PEPD: variants seen among roughly 807,000 people sequenced by gnomAD.
PEPD encodes the protein peptidase D.
In PEPD, 53 loss-of-function variants were observed where a neutral mutation model predicts 60.7. The ratio of observed to expected loss-of-function variants is 0.87; its 90% confidence interval spans 0.70 to 1.10. The LOEUF (loss-of-function observed/expected upper bound fraction) is 1.10. Ranked by LOEUF, PEPD falls within the 50% of genes least tolerant of loss-of-function variation. The pLI is 0.00. For synonymous variants in PEPD, 267 were observed against 284.1 expected (o/e 0.94, Z 0.60); for missense variants, 711 against 711.9 (o/e 1.00, Z 0.01).
chr19:33,446,704 C>T (rs114901239), intron 9 of PEPD, among the ~76,000 whole-genome samples: 1,853 of 152,332 alleles, frequency 0.012, 42 homozygotes, highest in African/African-American at 0.042. Context: ...CTCTCAGCCA[C>T]GGCTGCTCAC....
chr19:33,417,694 CT>C (rs1968918697), intron 9 of PEPD, among the ~76,000 whole-genome samples: 1 of 152,178 alleles, frequency 6.6e-6, no homozygotes, highest in African/African-American at 2.4e-5. Flanking sequence ...ATCGTGGTCA[CT>C]GTTCAGAGGC....
intron 11 of PEPD, among the ~76,000 whole-genome samples, chr19:33,410,746 G>T (rs1371522937): frequency 1.3e-5 from 2 of 152,194 alleles, no homozygotes; most frequent in African/African-American, 4.8e-5. Flanking sequence ...AAAGAACTGG[G>T]AGGGACAAGG....
chr19:33,413,640 G>C lies in PEPD; in HGVS notation c.675C>G (p.Leu225=), dbSNP rs756699991. The change falls in exon 10 of 15, where the codon CTC becomes CTG. Residue 225 remains leucine (L), a synonymous_variant. Coordinates refer to ENST00000244137, the MANE Select transcript of PEPD (RefSeq NM_000285.4). ...VGMKEYELES[L]FEHYCYSRGG... ...CCCGGGAGTAGCAGTAGTGCTCGAAGAGGCTGCAGGGGGAGAGACGCGTCA... is the reference window on the plus strand; with the variant it reads ...CCCGGGAGTAGCAGTAGTGCTCGAACAGGCTGCAGGGGGAGAGACGCGTCA... 1 of 1,581,018 alleles carries C rather than the reference G, an allele frequency of 6.3e-7. No individual in the cohort carries two copies. Among genetic ancestry groups the C allele is most frequent in the Non-Finnish European group, 8.6e-7 (1 of 1,161,148 alleles).
At chr19:33,495,449 G>A (rs1324149072) in intron 4 of PEPD, among the ~76,000 whole-genome samples, 1 of 149,470 alleles carries the variant, frequency 6.7e-6, no homozygotes, top group African/African-American at 2.5e-5. Flanking sequence ...AGTGAGCCGA[G>A]ATCATGCCAT....
chr19:33,429,806 C>T (rs1002244935), intron 9 of PEPD, among the ~76,000 whole-genome samples: 3 of 152,152 alleles, frequency 2.0e-5, no homozygotes, highest in Non-Finnish European at 2.9e-5. Flanking sequence ...ACAAATGTCC[C>T]GATTGCAAAT....
chr19:33,462,642 T>C (rs1434810489), intron 9 of PEPD, among the ~76,000 whole-genome samples: 1 of 152,218 alleles, frequency 6.6e-6, no homozygotes, highest in African/African-American at 2.4e-5. Context: ...ATAATGGCAG[T>C]GTTTACACAT....
chr19:33,497,318 G>A (rs1260184935), intron 4 of PEPD, among the ~76,000 whole-genome samples: 1 of 152,222 alleles, frequency 6.6e-6, no homozygotes, highest in Non-Finnish European at 1.5e-5. Context: ...TATGCCTGGC[G>A]CCATAAAGGG....
intron 11 of PEPD, among the ~76,000 whole-genome samples, chr19:33,406,146 C>G (rs960688389): frequency 1.3e-5 from 2 of 152,184 alleles, no homozygotes; most frequent in Admixed American, 1.3e-4. Context: ...GTGGCCTTGG[C>G]AGGCGGGAGG....
intron 9 of PEPD, among the ~76,000 whole-genome samples, chr19:33,451,750 AC>A (rs1385299535): frequency 6.6e-6 from 1 of 152,246 alleles, no homozygotes; most frequent in Non-Finnish European, 1.5e-5. Flanking sequence ...ACATAGCAAC[AC>A]CAGTGTCAGG....
At chr19:33,444,006 G>A (rs1969541494) in intron 9 of PEPD, among the ~76,000 whole-genome samples, 1 of 152,240 alleles carries the variant, frequency 6.6e-6, no homozygotes, top group Admixed American at 6.5e-5. Flanking sequence ...TGTGTCCTCA[G>A]GCAGGGAGGG....
At chr19:33,448,039 G>A (rs1039161021) in intron 9 of PEPD, among the ~76,000 whole-genome samples, 8 of 152,140 alleles carry the variant, frequency 5.3e-5, no homozygotes, top group South Asian at 2.1e-4. Context: ...CATGCCTGCC[G>A]GCAGGTATGG....
Position 33,440,623 on chromosome 19 carries a change from G to A in PEPD, c.671+22372C>T, listed in dbSNP as rs112674325. Among the ~76,000 whole-genome samples, 998 of 152,226 alleles carry A rather than the reference G, an allele frequency of 6.6e-3. 25 individuals carry two copies. Among genetic ancestry groups the A allele is most frequent in the Non-Finnish European group, 8.7e-3 (592 of 68,016 alleles). ...CACTTTGGGTCTCACTTGACTGTCCGCTCTGTGCAAGGCTTTCAACATCAT... is the reference window on the plus strand; with the variant it reads ...CACTTTGGGTCTCACTTGACTGTCCACTCTGTGCAAGGCTTTCAACATCAT... On this transcript the variant is annotated intron_variant, in intron 9 of 14. Coordinates refer to ENST00000244137, the MANE Select transcript of PEPD (RefSeq NM_000285.4).
Position 33,387,222 on chromosome 19 carries a change from C to G in PEPD, c.*122G>C. 8.3e-7 allele frequency: 1 copy of G among 1,210,252 alleles called. No homozygotes were observed. Among genetic ancestry groups the G allele is most frequent in the Non-Finnish European group, 1.2e-6 (1 of 837,398 alleles). The allele number at this position is 1,210,252 out of a possible 1,614,324, so 75.0% of individuals were successfully genotyped here. On this transcript the variant is annotated 3_prime_UTR_variant, in exon 15 of 15. Transcript: ENST00000244137. ...AGCACTGTTTGGTCTGATCAAATGC[C>G]GAAGCTGGGATCTGATTCTGGGTGC...
rs1416908511 is a variant in PEPD at position 33,438,451 on chromosome 19, C to T, written c.671+24544G>A. ...AGGCAGGTCCAAGGGTCTCTCTCCCCTGCCCTTTGCCTTATGAGGTCTGAT... is the reference window on the plus strand; with the variant it reads ...AGGCAGGTCCAAGGGTCTCTCTCCCTTGCCCTTTGCCTTATGAGGTCTGAT... On this transcript the variant is annotated intron_variant, in intron 9 of 14. Transcript: ENST00000244137. Among the ~76,000 whole-genome samples, 185 of 152,254 alleles carry T rather than the reference C, an allele frequency of 1.2e-3. 1 individual carries two copies. Among genetic ancestry groups the T allele is most frequent in the Non-Finnish European group, 1.0e-4 (7 of 68,046 alleles).
chr19:33,499,046 C>T (rs1041909077), intron 4 of PEPD, among the ~76,000 whole-genome samples: 3 of 152,064 alleles, frequency 2.0e-5, no homozygotes, highest in African/African-American at 4.8e-5. Flanking sequence ...GGAAGGAAAA[C>T]GAGAATGAAG....
intron 3 of PEPD, among the ~76,000 whole-genome samples, chr19:33,503,250 G>A (rs983857424): frequency 2.0e-5 from 3 of 152,212 alleles, no homozygotes; most frequent in South Asian, 2.1e-4. Flanking sequence ...CTGAGGGCCC[G>A]GGAGACGCTG....
chr19:33,466,598 C>T (rs1425349741), intron 7 of PEPD, among the ~76,000 whole-genome samples: 2 of 152,066 alleles, frequency 1.3e-5, no homozygotes, highest in Non-Finnish European at 2.9e-5. Flanking sequence ...CTGGTCCAGC[C>T]TTTCAGTATC....
intron 6 of PEPD, among the ~76,000 whole-genome samples, chr19:33,480,788 C>T (rs545378557): frequency 9.8e-4 from 147 of 149,382 alleles, no homozygotes; most frequent in Non-Finnish European, 1.7e-3. Context: ...AGCAAGACTC[C>T]GTTTCAAAAA....
At chr19:33,433,752 T>A (rs1969319606) in intron 9 of PEPD, among the ~76,000 whole-genome samples, 1 of 152,234 alleles carries the variant, frequency 6.6e-6, no homozygotes. Flanking sequence ...ATTCTGCAAG[T>A]GCACAAATGG....
Sources: allele counts gnomAD v4.1 joint callset (sites outside exome capture counted in the v4.1 genomes callset), GRCh38; gene constraint gnomAD v4.1.1; transcripts MANE v1.5; gene names NCBI Gene and HGNC (gene_info 2026-07-23, HGNC 2026-07-21).